Variants in IL1RAPL1 observed in about 807,000 individuals in gnomAD.
The protein encoded by IL1RAPL1 is interleukin-1 receptor accessory protein-like 1.
In IL1RAPL1, 3 loss-of-function variants were observed where a neutral mutation model predicts 48.4. The ratio of observed to expected loss-of-function variants is 0.06; its 90% CI spans 0.03 to 0.16. The LOEUF (loss-of-function observed/expected upper bound fraction) is 0.16, where lower values mean the gene tolerates loss of function less well. Ranked by LOEUF, IL1RAPL1 falls within the 10% of genes least tolerant of loss-of-function variation. The pLI is 1.00. For synonymous variants in IL1RAPL1, 185 were observed against 187.7 expected, an observed-to-expected ratio of 0.99 and a Z score of 0.12; for missense variants, 349 against 530.6, an observed-to-expected ratio of 0.66 and a Z score of 3.36.
intron 2 of IL1RAPL1, among the ~76,000 whole-genome samples, chrX:29,209,704 G>A (rs1037664540): frequency 8.9e-6 from 1 of 112,090 alleles, no homozygotes; most frequent in African/African-American, 3.2e-5. Context: ...GTAATGAATA[G>A]CCTTGTATAT....
chrX:29,722,780 A>G (rs1363796296), intron 6 of IL1RAPL1, among the ~76,000 whole-genome samples: 2 of 111,963 alleles, frequency 1.8e-5, no homozygotes, highest in Non-Finnish European at 3.8e-5. Context: ...TAATAATGTC[A>G]TTGGGATCTT....
intron 1 of IL1RAPL1, among the ~76,000 whole-genome samples, chrX:28,673,854 ATGT>A (rs1441057879): frequency 9.8e-5 from 11 of 111,722 alleles, no homozygotes; most frequent in Non-Finnish European, 3.8e-5. Flanking sequence ...CTAAGGATGG[ATGT>A]TGTTTATTTC....
At chrX:29,934,611 A>G (rs1465955055) in intron 8 of IL1RAPL1, among the ~76,000 whole-genome samples, 1 of 111,788 alleles carries the variant, frequency 8.9e-6, no homozygotes, top group Admixed American at 9.5e-5. Context: ...CTCCACCTAG[A>G]TTTACCAATT....
chrX:28,645,511 T>C (rs1569144493), intron 1 of IL1RAPL1, among the ~76,000 whole-genome samples: 1 of 110,636 alleles, frequency 9.0e-6, no homozygotes, highest in Non-Finnish European at 1.9e-5. Flanking sequence ...CTAGAGGCTC[T>C]TGAGTTGCAG....
At chrX:29,155,882 A>G (rs371995940) in intron 2 of IL1RAPL1, among the ~76,000 whole-genome samples, 117 of 111,297 alleles carry the variant, frequency 1.1e-3, no homozygotes, top group African/African-American at 3.6e-3. Flanking sequence ...AAGCAGTACA[A>G]TGTAATAGTC....
chrX:29,848,556 G>A (rs1931295701), intron 6 of IL1RAPL1, among the ~76,000 whole-genome samples: 1 of 111,469 alleles, frequency 9.0e-6, no homozygotes, highest in Non-Finnish European at 1.9e-5. Flanking sequence ...AGGTGATAAG[G>A]ACTTTCTATG....
intron 6 of IL1RAPL1, among the ~76,000 whole-genome samples, chrX:29,851,259 A>T (rs1373498519): frequency 9.0e-6 from 1 of 111,708 alleles, no homozygotes; most frequent in Non-Finnish European, 1.9e-5. Context: ...TTTATCTCTT[A>T]AATCCTGGAG....
chrX:29,486,358 A>G (rs771607309), intron 5 of IL1RAPL1, among the ~76,000 whole-genome samples: 6 of 109,312 alleles, frequency 5.5e-5, no homozygotes, highest in Non-Finnish European at 1.1e-4. Context: ...GTATTTTACC[A>G]CTCTCAAGGG....
chrX:29,481,533 T>C (rs1009106740), intron 5 of IL1RAPL1, among the ~76,000 whole-genome samples: 2 of 112,314 alleles, frequency 1.8e-5, no homozygotes. Context: ...GTGGAGAATC[T>C]GCCCTAGGTT....
At chrX:28,938,440 A>G (rs1455503996) in intron 2 of IL1RAPL1, among the ~76,000 whole-genome samples, 1 of 99,063 alleles carries the variant, frequency 1.0e-5, no homozygotes, top group East Asian at 3.4e-4. Flanking sequence ...GTTATTCAAT[A>G]AACGGTGCTG....
At chrX:29,544,109 A>G (rs1030036149) in intron 5 of IL1RAPL1, among the ~76,000 whole-genome samples, 2 of 111,613 alleles carry the variant, frequency 1.8e-5, no homozygotes, top group Non-Finnish European at 3.8e-5. Context: ...TTAATTTTAT[A>G]CTTTTTAGCT....
At chrX:29,417,310 A>G (rs889553694) in intron 5 of IL1RAPL1, among the ~76,000 whole-genome samples, 1 of 112,243 alleles carries the variant, frequency 8.9e-6, no homozygotes, top group African/African-American at 3.2e-5. Context: ...GTCAAAATAT[A>G]TAACTTTTGC....
intron 2 of IL1RAPL1, among the ~76,000 whole-genome samples, chrX:29,275,389 C>T (rs1270253150): frequency 9.0e-6 from 1 of 111,536 alleles, no homozygotes; most frequent in Non-Finnish European, 1.9e-5. Context: ...GTCTTTTCTG[C>T]ACTTATTTTC....
chrX:28,648,543 C>T (rs1934642777), intron 1 of IL1RAPL1, among the ~76,000 whole-genome samples: 1 of 111,940 alleles, frequency 8.9e-6, no homozygotes, highest in Non-Finnish European at 1.9e-5. Context: ...AGACCACTAC[C>T]TCAGGAGAAC....
Position 29,341,595 on chromosome X carries a change from G to A in IL1RAPL1, c.363-54663G>A, listed in dbSNP as rs149978884. On this transcript the variant is annotated intron_variant, in intron 3 of 10. Coordinates refer to ENST00000378993, the MANE Select transcript of IL1RAPL1 (RefSeq NM_014271.4). ...AGTGAGGATTTTTAAAAATAATAGTGTAGTTGGAGCAAAGGAGGAAAAAGT... is the reference window on the plus strand; with the variant it reads ...AGTGAGGATTTTTAAAAATAATAGTATAGTTGGAGCAAAGGAGGAAAAAGT... Among the ~76,000 whole-genome samples, 502 of 111,140 alleles carry A rather than the reference G, an allele frequency of 4.5e-3. 4 individuals carry two copies. The East Asian group carries it at 0.05, about 11-fold the overall frequency.
intron 6 of IL1RAPL1, among the ~76,000 whole-genome samples, chrX:29,714,192 T>TC (rs1463853194): frequency 5.4e-5 from 6 of 111,475 alleles, no homozygotes; most frequent in African/African-American, 2.0e-4. Context: ...ACTGAACATA[T>TC]CCCCCCCACT....
intron 3 of IL1RAPL1, among the ~76,000 whole-genome samples, chrX:29,392,480 C>T (rs2147683178): frequency 8.9e-6 from 1 of 112,574 alleles, no homozygotes; most frequent in East Asian, 2.8e-4. Flanking sequence ...GTAAATAGGA[C>T]TATAGCATTC....
At chrX:28,603,797 T>C (rs1042346470) in intron 1 of IL1RAPL1, among the ~76,000 whole-genome samples, 4 of 112,618 alleles carry the variant, frequency 3.6e-5, no homozygotes, top group African/African-American at 1.3e-4. Flanking sequence ...TTGGTAGATA[T>C]ATGACATTTG....
intron 5 of IL1RAPL1, among the ~76,000 whole-genome samples, chrX:29,584,329 T>C (rs974659307): frequency 8.9e-6 from 1 of 111,790 alleles, no homozygotes; most frequent in African/African-American, 3.3e-5. Context: ...TCCATTGTTT[T>C]TCCCATTCTA....
Sources: allele counts gnomAD v4.1 joint callset (sites outside exome capture counted in the v4.1 genomes callset), GRCh38; gene constraint gnomAD v4.1.1; transcripts MANE v1.5; gene names NCBI Gene and HGNC (gene_info 2026-07-23, HGNC 2026-07-21).